Variants in AKAP6 observed in about 807,000 individuals in gnomAD.
AKAP6 encodes the protein A-kinase anchoring protein 6, also known as A-kinase anchor protein 6.
AKAP6 carries 58 observed loss-of-function variants against 188.5 expected under a neutral mutation model. The observed-to-expected ratio is 0.31, with a 90% confidence interval of 0.25 to 0.38. The LOEUF is 0.38. Ranked by LOEUF, AKAP6 falls within the 10% of genes least tolerant of loss-of-function variation. The pLI, the probability that AKAP6 is intolerant of heterozygous loss-of-function variation, is 1.00. For synonymous variants in AKAP6, 989 were observed against 998.6 expected (o/e 0.99, Z 0.18); for missense variants, 2,710 against 2,740.0 (o/e 0.99, Z 0.24).
At chr14:32,775,557 C>G (rs1388609479) in intron 12 of AKAP6, among the ~76,000 whole-genome samples, 2 of 151,846 alleles carry the variant, frequency 1.3e-5, no homozygotes, top group East Asian at 1.9e-4. Flanking sequence ...CTCAACCTCT[C>G]AAGTAGCTAG....
At chr14:32,748,734 G>A (rs1713183324) in intron 11 of AKAP6, among the ~76,000 whole-genome samples, 1 of 152,146 alleles carries the variant, frequency 6.6e-6, no homozygotes, top group African/African-American at 2.4e-5. Flanking sequence ...ACCTGGGAAG[G>A]AAGAGCTCTT....
At chr14:32,538,112 T>G (rs1485971502) in intron 3 of AKAP6, among the ~76,000 whole-genome samples, 1 of 152,234 alleles carries the variant, frequency 6.6e-6, no homozygotes, top group East Asian at 1.9e-4. Context: ...AAGTTCTGCC[T>G]CTATAACCAT....
chr14:32,823,666 A>G lies in AKAP6; in HGVS notation c.5853A>G (p.Glu1951=). The change falls in exon 13 of 14, where the codon GAA becomes GAG. Residue 1951 remains glutamate, a synonymous_variant. Transcript: ENST00000280979. ...ATGATTCAAATACTGCTGGCAAGGA[A>G]TTTGTTTCCCAAGATGTTAGACATC... ...SLDDSNTAGK[E]FVSQDVRHLP... 2 of 1,613,838 alleles carry G rather than the reference A, an allele frequency of 1.2e-6. No homozygotes were observed. Among genetic ancestry groups the G allele is most frequent in the African/African-American group, 2.7e-5 (2 of 75,018 alleles).
chr14:32,534,325 G>A (rs981712411), intron 2 of AKAP6, among the ~76,000 whole-genome samples: 1 of 152,072 alleles, frequency 6.6e-6, no homozygotes, highest in Non-Finnish European at 1.5e-5. Context: ...CTAAAAACGA[G>A]CAACTGAGCC....
Position 32,730,396 on chromosome 14 carries a change from C to T in AKAP6, c.3001-2058C>T, listed in dbSNP as rs142896221. ...TTTATAATAGCTATTGCAGTGACTA[C>T]TTATACGCATTTAACAGAGAAGATT... is the stretch of plus-strand genomic sequence containing the variant. On this transcript the variant is annotated intron_variant, in intron 9 of 13. Transcript: ENST00000280979. Among the ~76,000 whole-genome samples, 13 of 152,276 alleles carry T rather than the reference C, an allele frequency of 8.5e-5. No individual in the cohort carries two copies. The East Asian group carries it at 2.5e-3, about 29-fold the overall frequency.
At position 32,404,712 on chromosome 14, in the gene AKAP6, T is replaced by TATATATATATATATATA. The variant is rs1491351629; in HGVS notation, c.-34-28747_-34-28746insTATATATATATATATAA. ...AGGAGATATATATATATATATATAT[T>TATATATATATATATATA]AGTCAGAATGTCAGCAGGAAATAGT... On this transcript the variant is annotated intron_variant, in intron 1 of 13. Coordinates refer to ENST00000280979, the MANE Select transcript of AKAP6 (RefSeq NM_004274.5). Among the ~76,000 whole-genome samples, 27 of 10,536 alleles carry TATATATATATATATATA rather than the reference T, an allele frequency of 2.6e-3. 2 individuals carry two copies. Among genetic ancestry groups the TATATATATATATATATA allele is most frequent in the Non-Finnish European group, 6.2e-3 (24 of 3,862 alleles). 6.9% of individuals were successfully genotyped at this position (10,536 alleles called of 152,430 possible).
chr14:32,380,302 C>T (rs1470968626), intron 1 of AKAP6, among the ~76,000 whole-genome samples: 3 of 152,186 alleles, frequency 2.0e-5, no homozygotes, highest in Non-Finnish European at 2.9e-5. Context: ...ACCGGCCCCC[C>T]GTTCTTTCCT....
At chr14:32,583,317 C>T (rs1002151693) in intron 5 of AKAP6, among the ~76,000 whole-genome samples, 4 of 152,132 alleles carry the variant, frequency 2.6e-5, no homozygotes, top group African/African-American at 4.8e-5. Context: ...TTTCGTGAAC[C>T]GCGAATGCTG....
chr14:32,732,522 G>A lies in AKAP6; in HGVS notation c.3069G>A (p.Leu1023=), dbSNP rs140518594. 385 of 1,613,540 alleles carry A rather than the reference G, an allele frequency of 2.4e-4. 3 individuals carry two copies. In the African/African-American group the frequency reaches 4.5e-3, roughly 19 times the overall value. Residue 1023 remains leucine (L), a synonymous_variant, in exon 10 of 14, where the codon TTG becomes TTA. Transcript: ENST00000280979. ...AGCTGCTTAGTAAGGTTGAAGCTTTGAAGAAAGGTGGCGTTTTACTACCAA... is the reference window on the plus strand; with the variant it reads ...AGCTGCTTAGTAAGGTTGAAGCTTTAAAGAAAGGTGGCGTTTTACTACCAA... ...KTELLSKVEA[L]KKGGVLLPND...
chr14:32,417,026 G>A (rs1889682971), intron 1 of AKAP6, among the ~76,000 whole-genome samples: 1 of 152,120 alleles, frequency 6.6e-6, no homozygotes, highest in African/African-American at 2.4e-5. Flanking sequence ...ATTTTTAGTA[G>A]AGGTGGAGTT....
chr14:32,347,147 A>G (rs774869799), intron 1 of AKAP6, among the ~76,000 whole-genome samples: 1 of 152,236 alleles, frequency 6.6e-6, no homozygotes, highest in Non-Finnish European at 1.5e-5. Context: ...CATCCTTTGT[A>G]TGTAAATCAG....
At chr14:32,609,301 G>A (rs1194608434) in intron 7 of AKAP6, among the ~76,000 whole-genome samples, 2 of 152,062 alleles carry the variant, frequency 1.3e-5, no homozygotes, top group Non-Finnish European at 2.9e-5. Flanking sequence ...GAATTCAGTT[G>A]GAATATACCC....
At chr14:32,332,656 C>G (rs1327805055) in intron 1 of AKAP6, among the ~76,000 whole-genome samples, 1 of 152,058 alleles carries the variant, frequency 6.6e-6, no homozygotes, top group Non-Finnish European at 1.5e-5. Flanking sequence ...GCTTTGTTAA[C>G]TTTAAGATGT....
At position 32,573,339 on chromosome 14, in the gene AKAP6, A is replaced by G. The variant is rs571224425; in HGVS notation, c.2347-3781A>G. Among the ~76,000 whole-genome samples, 39 of 152,310 alleles carry G rather than the reference A, an allele frequency of 2.6e-4. 1 individual carries two copies. In the South Asian group the frequency reaches 7.7e-3, roughly 30 times the overall value. ...ATATCATGAAGAAAATCTGATTTTT[A>G]TAGTCCTCTGACTTTCCAGAGAAGT... On this transcript the variant is annotated intron_variant, in intron 4 of 13. Coordinates refer to ENST00000280979, the MANE Select transcript of AKAP6 (RefSeq NM_004274.5).
intron 11 of AKAP6, among the ~76,000 whole-genome samples, chr14:32,766,946 A>C (rs1389603906): frequency 6.6e-6 from 1 of 152,132 alleles, no homozygotes; most frequent in Non-Finnish European, 1.5e-5. Flanking sequence ...TTTAGCTCTT[A>C]CAATTAAGAG....
At chr14:32,820,233 G>A (rs1307647751) in intron 12 of AKAP6, among the ~76,000 whole-genome samples, 1 of 151,832 alleles carries the variant, frequency 6.6e-6, no homozygotes, top group Non-Finnish European at 1.5e-5. Context: ...GAACTTAGAA[G>A]TTCTGTTTGT....
chr14:32,608,129 G>C (rs1267655659), intron 7 of AKAP6, among the ~76,000 whole-genome samples: 1 of 152,078 alleles, frequency 6.6e-6, no homozygotes, highest in Admixed American at 6.5e-5. Context: ...CCACTCTCTT[G>C]AGATGACTGA....
At chr14:32,714,413 T>C (rs767382696) in intron 9 of AKAP6, among the ~76,000 whole-genome samples, 4 of 151,970 alleles carry the variant, frequency 2.6e-5, no homozygotes, top group Admixed American at 6.6e-5. Context: ...CTGTAAGGCA[T>C]AATAAAACCA....
chr14:32,744,371 C>G (rs576806861), intron 11 of AKAP6, among the ~76,000 whole-genome samples: 1 of 151,916 alleles, frequency 6.6e-6, no homozygotes, highest in African/African-American at 2.4e-5. Flanking sequence ...GGCTAGAGTG[C>G]AGTGGCACAA....
Sources: gnomAD v4.1 joint callset for allele counts (sites outside exome capture counted in the v4.1 genomes callset) on GRCh38, gnomAD v4.1.1 for gene constraint, MANE v1.5 for transcripts, NCBI Gene and HGNC (gene_info 2026-07-23, HGNC 2026-07-21) for gene names.